CDC42BPG: variants seen among roughly 807,000 people sequenced by gnomAD.
CDC42BPG encodes CDC42 binding protein kinase gamma, also known as serine/threonine-protein kinase MRCK gamma.
A neutral mutation model predicts 192.2 loss-of-function variants in CDC42BPG; 157 were observed. The ratio of observed to expected loss-of-function variants is 0.82; its 90% confidence interval spans 0.72 to 0.93. The LOEUF (loss-of-function observed/expected upper bound fraction) is 0.93, where lower values mean the gene tolerates loss of function less well. Ranked by LOEUF, CDC42BPG falls within the 40% of genes least tolerant of loss-of-function variation. The pLI is 0.00. For synonymous variants in CDC42BPG, 981 were observed against 918.5 expected (o/e 1.07, Z -1.23); for missense variants, 1,992 against 2,122.1 (o/e 0.94, Z 1.20).
chr11:64,825,096 TA>T (rs1354785049), intron 36 of CDC42BPG, among the ~76,000 whole-genome samples: 9 of 152,092 alleles, frequency 5.9e-5, no homozygotes, highest in African/African-American at 2.2e-4. Flanking sequence ...TTTGTATTTT[TA>T]GTAGAGACAG....
intron 3 of CDC42BPG, among the ~76,000 whole-genome samples, chr11:64,840,903 C>T (rs941824813): frequency 2.0e-5 from 3 of 152,194 alleles, no homozygotes; most frequent in Admixed American, 6.5e-5. Context: ...AATCCCAGCA[C>T]TTTGGGAGGC....
Position 64,826,745 on chromosome 11 carries a change from G to A in CDC42BPG, c.4439C>T (p.Pro1480Leu). 3.9e-6 allele frequency: 6 copies of A among 1,539,420 alleles called. No individual in the cohort carries two copies. Among genetic ancestry groups the A allele is most frequent in the Non-Finnish European group, 4.4e-6 (5 of 1,143,892 alleles). Residue 1480 changes from proline (P) to leucine (L), a missense_variant, in exon 35 of 37, where the codon CCC becomes CTC. Coordinates refer to ENST00000342711, the MANE Select transcript of CDC42BPG (RefSeq NM_017525.3). ...CCGCAACGCCTCGGAGAAGCTGTGG[G>A]GCCGCTGTGGGCCGGAGCCGCGGGC... ...RVARGSGPQRPHSFSEALRRP... is the reference protein window; with the variant it reads ...RVARGSGPQRLHSFSEALRRP...
rs1184264265 is a variant in CDC42BPG, at chr11:64,836,821, T to C, written c.1304-2A>G. The stretch of plus-strand genomic sequence containing the variant: ...GGTCTGTGGGGGCGTGCAGGGCCTC[T>C]GGAGGGGAGGTGGTACCCACAGGTG... On this transcript the variant is annotated splice_acceptor_variant, in intron 10 of 36. Transcript: ENST00000342711. LOFTEE classifies it high-confidence loss of function. The C allele has an allele frequency of 6.2e-7, 1 of 1,607,724 alleles. No homozygotes were observed. The highest frequency in any genetic ancestry group is 8.5e-7 in the Non-Finnish European group (1 of 1,177,144).
intron 30 of CDC42BPG, among the ~76,000 whole-genome samples, chr11:64,828,809 T>A (rs1942553041): frequency 6.6e-6 from 1 of 152,212 alleles, no homozygotes; most frequent in Non-Finnish European, 1.5e-5. Context: ...CCCAGCACTT[T>A]GGGAGGCCAA....
chr11:64,832,204 T>C (rs1942727244), intron 27 of CDC42BPG, among the ~76,000 whole-genome samples: 1 of 152,180 alleles, frequency 6.6e-6, no homozygotes, highest in African/African-American at 2.4e-5. Flanking sequence ...GGTCAGAGCC[T>C]TGGGGCCTCA....
At chr11:64,841,270 T>G (rs550716149) in intron 3 of CDC42BPG, among the ~76,000 whole-genome samples, 1 of 151,064 alleles carries the variant, frequency 6.6e-6, no homozygotes, top group Non-Finnish European at 1.5e-5. Flanking sequence ...CTGTCCAACA[T>G]AGCAAAACCT....
At chr11:64,840,430 G>T in intron 4 of CDC42BPG, 123 bp downstream of exon 4, 5 of 1,375,410 alleles carry the variant, frequency 3.6e-6, no homozygotes, top group Non-Finnish European at 5.0e-6. Flanking sequence ...CCCAGGAACT[G>T]GTGGGAAGTG....
At chr11:64,827,862 T>A in intron 30 of CDC42BPG, 79 bp from the exon 31 acceptor site, 2 of 1,229,872 alleles carry the variant, frequency 1.6e-6, no homozygotes, top group Admixed American at 2.3e-5. Context: ...CACAGCACAG[T>A]AACTACCATG....
In CDC42BPG at chr11:64,840,575, G is replaced by T; in HGVS notation, c.410C>A (p.Ala137Asp). 1 of 1,613,942 alleles carries T rather than the reference G, an allele frequency of 6.2e-7. No individual in the cohort carries two copies. Among genetic ancestry groups the T allele is most frequent in the Non-Finnish European group, 8.5e-7 (1 of 1,179,984 alleles). The change falls in exon 4 of 37, where the codon GCC becomes GAC. Residue 137 changes from alanine to aspartate, a missense_variant. Physicochemically the swap from Ala to Asp is moderately radical, Grantham distance 126. Around this residue, in one of 2 missense-constraint regions of CDC42BPG, gnomAD observed 1,656 missense variants for 1,844.3 expected, o/e 0.90. Coordinates refer to ENST00000342711, the MANE Select transcript of CDC42BPG (RefSeq NM_017525.3). ...DSRWVTTLHY[A>D]FQDEEYLYLV... ...CACCAGGTACTCCTCGTCTTGGAAG[G>T]CATAGTGCAGAGTGGTCACCCAACG...
intron 1 of CDC42BPG, among the ~76,000 whole-genome samples, 158 bp downstream of exon 1, chr11:64,844,252 G>A (rs1249489022): frequency 6.6e-6 from 1 of 151,910 alleles, no homozygotes; most frequent in African/African-American, 2.4e-5. Context: ...GCGAGTGTGC[G>A]GGCCGCGGGG....
In CDC42BPG at chr11:64,840,196, G is replaced by A; in HGVS notation, c.505C>T (p.Pro169Ser). The change falls in exon 5 of 37, where the codon CCC becomes TCC. Residue 169 changes from proline to serine, a missense_variant. By Grantham distance (74) the Pro-to-Ser change is moderately conservative (BLOSUM62 -1). Transcript: ENST00000342711. ...LLSRFEDRLPPELAQFYLAEM... is the reference protein window; with the variant it reads ...LLSRFEDRLPSELAQFYLAEM... ...GCCAGGTAGAACTGGGCCAGCTCGG[G>A]CGGGAGACGGTCCTCGAAGCGGCTC... is the stretch of plus-strand genomic sequence containing the variant. The A allele has an allele frequency of 6.2e-7, 1 of 1,613,238 alleles. No homozygotes were observed. The highest frequency in any genetic ancestry group is 1.1e-5 in the South Asian group (1 of 91,084).
At position 64,832,479 on chromosome 11, in the gene CDC42BPG, C is replaced by T; in HGVS notation, c.3036G>A (p.Leu1012=). Residue 1012 remains leucine (L), a synonymous_variant, in exon 27 of 37, where the codon CTG becomes CTA. Transcript: ENST00000342711. ...RDPQFSATPV[L]ASDVIHAQSR... ...ATTGGGCATGGATAACATCAGAGGC[C>T]AGGACAGGGGTAGCCGAGAACTGGG... is the stretch of plus-strand genomic sequence containing the variant. 1.2e-6 allele frequency: 2 copies of T among 1,614,102 alleles called. No homozygotes were observed. Among genetic ancestry groups the T allele is most frequent in the Non-Finnish European group, 1.7e-6 (2 of 1,180,012 alleles).
intron 24 of CDC42BPG, 64 bp from the exon 25 acceptor site, chr11:64,833,023 G>A (rs1317242710): frequency 1.4e-5 from 21 of 1,477,778 alleles, no homozygotes; most frequent in Non-Finnish European, 1.5e-5. Flanking sequence ...AAACCAGGAC[G>A]GGGGCATGTC....
chr11:64,831,617 C>T lies in CDC42BPG; in HGVS notation c.3192G>A (p.Leu1064=). 1.2e-6 allele frequency: 2 copies of T among 1,611,766 alleles called. No individual in the cohort carries two copies. The highest frequency in any genetic ancestry group is 1.7e-6 in the Non-Finnish European group (2 of 1,179,818). ...RERWLQVLGE[L]QRLLLDARPR... Reference sequence around the variant, plus strand: ...GCCGCGCGTCCAGCAGCAGCCGCTGCAGCTCACCCAGCACCTGCAGCCAGC... The same window carrying T: ...GCCGCGCGTCCAGCAGCAGCCGCTGTAGCTCACCCAGCACCTGCAGCCAGC... The change falls in exon 28 of 37, where the codon CTG becomes CTA. Residue 1064 remains leucine (L), a synonymous_variant. Coordinates refer to ENST00000342711, the MANE Select transcript of CDC42BPG (RefSeq NM_017525.3).
At position 64,834,973 on chromosome 11, in the gene CDC42BPG, A is replaced by T. The variant is rs766367708; in HGVS notation, c.2061-10T>A. The T allele has an allele frequency of 1.7e-5, 27 of 1,613,418 alleles. No individual in the cohort carries two copies. Among genetic ancestry groups the T allele is most frequent in the Non-Finnish European group, 2.1e-5 (25 of 1,179,698 alleles). On this transcript the variant is annotated splice_polypyrimidine_tract_variant and intron_variant, in intron 17 of 36. Transcript: ENST00000342711. Reference sequence around the variant, plus strand: ...CTTCTCATCATTCACCCTGAATGGGAAGGGGCTCAGGGTCATGGGCTGGGC... The same window carrying T: ...CTTCTCATCATTCACCCTGAATGGGTAGGGGCTCAGGGTCATGGGCTGGGC...
Position 64,839,156 on chromosome 11 carries a change from G to A in CDC42BPG, c.753C>T (p.Gly251=), listed in dbSNP as rs1455800146. ...ACCAGTCACACTGTGGGCCGTAGTG[G>A]CCCTTGCCCTCCTCCATGGCCTGCA... The part of the protein sequence containing the change: ...EILQAMEEGK[G]HYGPQCDWWS... The change falls in exon 7 of 37, where the codon GGC becomes GGT. Residue 251 remains glycine, a synonymous_variant. Coordinates refer to ENST00000342711, the MANE Select transcript of CDC42BPG (RefSeq NM_017525.3). The A allele has an allele frequency of 6.2e-7, 1 of 1,613,532 alleles. No homozygotes were observed.
chr11:64,831,764 A>G, intron 27 of CDC42BPG, 43 bp from the exon 28 acceptor site: 1 of 1,513,174 alleles, frequency 6.6e-7, no homozygotes, highest in South Asian at 1.2e-5. Flanking sequence ...GACCAGAGCC[A>G]TCTGTCCTCC....
chr11:64,835,287 A>C, intron 16 of CDC42BPG, 60 bp downstream of exon 16: 1 of 1,610,906 alleles, frequency 6.2e-7, no homozygotes, highest in African/African-American at 1.3e-5. Context: ...CCCACCCCTC[A>C]ACTGGCTCCC....
intron 3 of CDC42BPG, 150 bp from the exon 4 acceptor site, chr11:64,840,798 G>C: frequency 1.6e-6 from 1 of 611,082 alleles, no homozygotes; most frequent in South Asian, 1.7e-5. Flanking sequence ...CTGCGACTGA[G>C]CCCAAGCCCA....
Sources: allele counts gnomAD v4.1 joint callset (sites outside exome capture counted in the v4.1 genomes callset), GRCh38; gene constraint gnomAD v4.1.1; regional missense constraint gnomAD v4.1.1; transcripts MANE v1.5; gene names NCBI Gene and HGNC (gene_info 2026-07-23, HGNC 2026-07-21).